PLCG2: variants seen among roughly 807,000 people sequenced by gnomAD.
PLCG2 encodes 1-phosphatidylinositol 4,5-bisphosphate phosphodiesterase gamma-2.
Under a neutral mutation model 175.6 loss-of-function variants are expected in PLCG2, and 69 were observed. That is an observed-to-expected ratio of 0.39 (90% CI 0.32 to 0.48). The LOEUF is 0.48. Among genes scored for constraint, PLCG2 ranks in the 20% least tolerant of loss-of-function variants. PLCG2 has a pLI of 0.91. For missense variants in PLCG2, 1,798 were observed against 1,650.9 expected (o/e 1.09, Z -1.54); for synonymous variants, 827 against 624.0 (o/e 1.33, Z -4.85).
rs1248951464 is a variant in PLCG2, at chr16:81,891,457, G to A, written c.868-15G>A. ...GTCAACGTGATGATTCGGTCTTCGT[G>A]TTTGACTCTTTTAGTTCCTCACGTA... On this transcript the variant is annotated splice_polypyrimidine_tract_variant and intron_variant, in intron 10 of 32. Transcript: ENST00000564138. 2 of 1,382,076 alleles carry A rather than the reference G, an allele frequency of 1.4e-6. No individual in the cohort carries two copies. Among genetic ancestry groups the A allele is most frequent in the East Asian group, 2.3e-5 (1 of 43,782 alleles). 85.6% of individuals were successfully genotyped at this position (1,382,076 alleles called of 1,614,324 possible). A position where few individuals can be genotyped will look rare whatever the true frequency, so the allele number is the denominator to read the frequency against.
chr16:81,892,505 C>G (rs1175122507), intron 11 of PLCG2, among the ~76,000 whole-genome samples: 1 of 151,720 alleles, frequency 6.6e-6, no homozygotes, highest in Non-Finnish European at 1.5e-5. Context: ...TGGTGTTATG[C>G]TCCAGGCATT....
rs569452551 is a variant in PLCG2 at position 81,754,085 on chromosome 16, C to T, written c.-144-1785C>T. Among the ~76,000 whole-genome samples the T allele has an allele frequency of 1.1e-3, 168 of 152,196 alleles. 1 individual carries two copies. Among genetic ancestry groups the T allele is most frequent in the African/African-American group, 3.7e-3 (155 of 41,528 alleles). On this transcript the variant is annotated intron_variant, in intron 1 of 5. Transcript: ENST00000565054. ...CCAGGCCAGGCCTGAAAGGACTTCGCTCCTTGGTAACTATCCCTCAGGGTT... is the reference window on the plus strand; with the variant it reads ...CCAGGCCAGGCCTGAAAGGACTTCGTTCCTTGGTAACTATCCCTCAGGGTT...
rs1041688740 is a variant in PLCG2, at chr16:81,962,570, G to T, written c.*4572G>T. On this transcript the variant is annotated 3_prime_UTR_variant, in exon 33 of 33. Coordinates refer to ENST00000564138, the MANE Select transcript of PLCG2 (RefSeq NM_002661.5). ...AATTTATTTTTTATATAAATAGTAT[G>T]TGCTTTGTGTACATAGAGAATTAAG... 4.5e-6 allele frequency: 1 copy of T among 220,638 alleles called. No individual in the cohort carries two copies. The highest frequency in any genetic ancestry group is 9.1e-6 in the Non-Finnish European group (1 of 110,370). 13.7% of individuals were successfully genotyped at this position (220,638 alleles called of 1,614,324 possible).
At chr16:81,817,136 T>A (rs955297984) in intron 2 of PLCG2, among the ~76,000 whole-genome samples, 11 of 152,162 alleles carry the variant, frequency 7.2e-5, no homozygotes, top group African/African-American at 2.7e-4. Flanking sequence ...GCCCTCTCTT[T>A]ACAAGCGAAG....
intron 2 of PLCG2, among the ~76,000 whole-genome samples, chr16:81,851,732 C>T (rs1337803680): frequency 1.3e-5 from 2 of 152,212 alleles, no homozygotes; most frequent in East Asian, 1.9e-4. Flanking sequence ...AGGCTGGTCT[C>T]GAATTCCTGA....
chr16:81,903,683 C>T (rs906620852), intron 14 of PLCG2, among the ~76,000 whole-genome samples: 3 of 152,166 alleles, frequency 2.0e-5, no homozygotes, highest in Non-Finnish European at 2.9e-5. Flanking sequence ...GGGTCCATGG[C>T]TTCTCAGGCA....
rs1334257562 is a variant in PLCG2, at chr16:81,779,305, C to T, written c.-167C>T. The stretch of plus-strand genomic sequence containing the variant: ...GCGGCCGAAGCAGAAGTAGCGAGCG[C>T]CGGCGGCGGAGGGCGTGAGCGGCGC... On this transcript the variant is annotated 5_prime_UTR_variant, in exon 1 of 33. Coordinates refer to ENST00000564138, the MANE Select transcript of PLCG2 (RefSeq NM_002661.5). 1 of 150,514 alleles carries T rather than the reference C, an allele frequency of 6.6e-6. No individual in the cohort carries two copies. Among genetic ancestry groups the T allele is most frequent in the Non-Finnish European group, 1.5e-5 (1 of 67,458 alleles). 9.3% of individuals were successfully genotyped at this position (150,514 alleles called of 1,614,324 possible).
At chr16:81,927,790 C>T (rs923021097) in intron 23 of PLCG2, among the ~76,000 whole-genome samples, 1 of 152,132 alleles carries the variant, frequency 6.6e-6, no homozygotes, top group African/African-American at 2.4e-5. Context: ...CCTTAAAAGT[C>T]AAGTTAGAGT....
chr16:81,747,565 T>G (rs1385917067), intron 1 of PLCG2, among the ~76,000 whole-genome samples: 3 of 152,086 alleles, frequency 2.0e-5, no homozygotes, highest in Non-Finnish European at 4.4e-5. Context: ...ATGGTAGTAT[T>G]GTTTTTTAAA....
chr16:81,887,398 C>T (rs1908424336), intron 9 of PLCG2, among the ~76,000 whole-genome samples: 1 of 152,218 alleles, frequency 6.6e-6, no homozygotes, highest in African/African-American at 2.4e-5. Flanking sequence ...GGATTACAGG[C>T]ATGAGCCACC....
chr16:81,944,209 G>A (rs554063847), intron 30 of PLCG2, among the ~76,000 whole-genome samples: 69 of 152,298 alleles, frequency 4.5e-4, no homozygotes, highest in African/African-American at 1.7e-3. Flanking sequence ...ACATAAATAA[G>A]ATGGATTGAT....
In PLCG2 at chr16:81,825,114, G is replaced by A. The variant is rs996540761; in HGVS notation, c.194-29330G>A. On this transcript the variant is annotated intron_variant, in intron 2 of 32. Coordinates refer to ENST00000564138, the MANE Select transcript of PLCG2 (RefSeq NM_002661.5). ...GCTGACTCCTTGGTCTTAGCCCAGC[G>A]AGACCCGTTTTGGAAATCAGACCTG... 1.1e-4 allele frequency among the ~76,000 whole-genome samples: 17 copies of A among 152,282 alleles called. 1 individual carries two copies. The highest frequency in any genetic ancestry group is 3.8e-4 in the African/African-American group (16 of 41,578).
intron 1 of PLCG2, among the ~76,000 whole-genome samples, chr16:81,739,920 T>A (rs144152948): frequency 0.042 from 6,345 of 152,216 alleles, 195 homozygotes; most frequent in Non-Finnish European, 0.066. Context: ...GGTGGATCAC[T>A]TGAGGTCAGG....
intron 2 of PLCG2, among the ~76,000 whole-genome samples, chr16:81,845,744 C>T (rs2143443083): frequency 6.6e-6 from 1 of 152,356 alleles, no homozygotes; most frequent in Non-Finnish European, 1.5e-5. Context: ...ACCAAGATGC[C>T]CCTGCCTGAT....
chr16:81,946,145 C>G (rs1486883718), intron 30 of PLCG2, 30 bp from the exon 31 acceptor site: 1 of 1,559,934 alleles, frequency 6.4e-7, no homozygotes, highest in Middle Eastern at 1.7e-4. Flanking sequence ...AATTACCTGC[C>G]TTTGCATTTT....
Position 81,936,269 on chromosome 16 carries a change from C to A in PLCG2, c.2943C>A (p.Gly981=). 6.2e-7 allele frequency: 1 copy of A among 1,614,154 alleles called. No individual in the cohort carries two copies. The highest frequency in any genetic ancestry group is 8.5e-7 in the Non-Finnish European group (1 of 1,180,016). ...ACCTCCTGAAGTACAATCAAAAGGGCCTGACCCGCGTCTACCCAAAGGGAC... is the reference window on the plus strand; with the variant it reads ...ACCTCCTGAAGTACAATCAAAAGGGACTGACCCGCGTCTACCCAAAGGGAC... ...PVDLLKYNQK[G]LTRVYPKGQR... Residue 981 remains glycine (G), a synonymous_variant, in exon 27 of 33, where the codon GGC becomes GGA. Transcript: ENST00000564138.
chr16:81,899,760 C>T (rs1400866854), intron 13 of PLCG2, among the ~76,000 whole-genome samples: 3 of 152,186 alleles, frequency 2.0e-5, no homozygotes, highest in East Asian at 1.9e-4. Flanking sequence ...GTGTCAGATA[C>T]GCTTGGTTCA....
chr16:81,868,652 T>C (rs1907362682), intron 5 of PLCG2, among the ~76,000 whole-genome samples: 1 of 152,266 alleles, frequency 6.6e-6, no homozygotes, highest in South Asian at 2.1e-4. Context: ...ATTTCTTCAC[T>C]TTGACATTCA....
intron 2 of PLCG2, among the ~76,000 whole-genome samples, chr16:81,790,993 C>G (rs1911205299): frequency 6.6e-6 from 1 of 152,170 alleles, no homozygotes; most frequent in Non-Finnish European, 1.5e-5. Context: ...GTTTGCTTTG[C>G]TCACAGCAAT....
Sources: allele counts gnomAD v4.1 joint callset (sites outside exome capture counted in the v4.1 genomes callset), GRCh38; gene constraint gnomAD v4.1.1; transcripts MANE v1.5; gene names NCBI Gene and HGNC (gene_info 2026-07-23, HGNC 2026-07-21).